FER1L6: variants seen among roughly 807,000 people sequenced by gnomAD.
The protein encoded by FER1L6 is fer-1-like protein 6.
FER1L6 carries 177 observed loss-of-function variants against 219.2 expected under a neutral mutation model. The observed-to-expected ratio is 0.81, with a 90% CI of 0.71 to 0.91. FER1L6 has a LOEUF of 0.91. Among genes scored for constraint, FER1L6 ranks in the 40% least tolerant of loss-of-function variants. The pLI is 0.00. For missense variants in FER1L6, 2,153 were observed against 2,259.9 expected, an observed-to-expected ratio of 0.95 and a Z score of 0.96; for synonymous variants, 768 against 824.3, an observed-to-expected ratio of 0.93 and a Z score of 1.17.
At chr8:123,923,426 T>C (rs954023352) in intron 1 of FER1L6, among the ~76,000 whole-genome samples, 1 of 152,216 alleles carries the variant, frequency 6.6e-6, no homozygotes, top group African/African-American at 2.4e-5. Flanking sequence ...CAAAAACAGT[T>C]GACTCTAAGC....
chr8:123,967,336 T>C (rs1815594317), intron 5 of FER1L6, among the ~76,000 whole-genome samples: 1 of 152,166 alleles, frequency 6.6e-6, no homozygotes, highest in Admixed American at 6.5e-5. Flanking sequence ...CACAAAACAA[T>C]GTATCTTGAA....
rs1819916338 is a variant in FER1L6 at position 124,049,751 on chromosome 8, C to T, written c.2869C>T (p.Leu957=). The T allele has an allele frequency of 3.1e-6, 5 of 1,613,812 alleles. No individual in the cohort carries two copies. Among genetic ancestry groups the T allele is most frequent in the Non-Finnish European group, 4.2e-6 (5 of 1,179,930 alleles). Residue 957 remains leucine (L), a synonymous_variant, in exon 22 of 41, where the codon CTG becomes TTG. Coordinates refer to ENST00000522917, the MANE Select transcript of FER1L6 (RefSeq NM_001039112.2). ...GGATCTCCTTGCTGTATTTGAACTG[C>T]TGCAGGTGAGTGAACCAGATGTGGC... is the stretch of plus-strand genomic sequence containing the variant. ...GGDLLAVFEL[L]QVPPSGLQGL...
intron 1 of FER1L6, among the ~76,000 whole-genome samples, chr8:123,933,937 A>T (rs550568500): frequency 8.3e-4 from 126 of 152,258 alleles, no homozygotes; most frequent in Non-Finnish European, 1.3e-3. Flanking sequence ...TTAACATTTC[A>T]CCATCTGTTT....
At chr8:124,091,356 T>A (rs1822019617) in intron 33 of FER1L6, 67 bp from the exon 34 acceptor site, 19 of 1,313,500 alleles carry the variant, frequency 1.4e-5, no homozygotes, top group Non-Finnish European at 2.0e-5. Context: ...TGAAAGAAAC[T>A]GCACAGATCA....
At chr8:123,930,500 C>G (rs1813727309) in intron 1 of FER1L6, among the ~76,000 whole-genome samples, 1 of 152,126 alleles carries the variant, frequency 6.6e-6, no homozygotes, top group Non-Finnish European at 1.5e-5. Flanking sequence ...TTCCTTTGAG[C>G]TGGGCCTTAG....
intron 1 of FER1L6, among the ~76,000 whole-genome samples, chr8:123,933,662 G>T (rs1813870938): frequency 6.6e-6 from 1 of 152,178 alleles, no homozygotes; most frequent in Non-Finnish European, 1.5e-5. Flanking sequence ...ATGAGGAAAA[G>T]TATATGAAAC....
At chr8:124,009,782 T>TCC (rs1244731801) in intron 13 of FER1L6, among the ~76,000 whole-genome samples, 1 of 152,038 alleles carries the variant, frequency 6.6e-6, no homozygotes, top group Non-Finnish European at 1.5e-5. Context: ...TTGTTGTAGT[T>TCC]CCAGGGTCAG....
intron 2 of FER1L6, 132 bp from the exon 3 acceptor site, chr8:123,963,146 T>G: frequency 8.4e-7 from 1 of 1,195,794 alleles, no homozygotes; most frequent in East Asian, 2.4e-5. Flanking sequence ...TTAAGTTTTA[T>G]GCTGGCAGAG....
chr8:124,103,350 T>G (rs748650721), intron 39 of FER1L6, 41 bp downstream of exon 39: 1 of 1,588,160 alleles, frequency 6.3e-7, no homozygotes, highest in East Asian at 2.2e-5. Flanking sequence ...TGGGGGAAGT[T>G]GGGGGCATCA....
chr8:123,880,977 C>T (rs1817098773), intron 1 of FER1L6, among the ~76,000 whole-genome samples: 1 of 152,172 alleles, frequency 6.6e-6, no homozygotes, highest in Non-Finnish European at 1.5e-5. Context: ...ACGTCACCTG[C>T]AGCTTAACCC....
chr8:124,106,329 A>C (rs1045225303), intron 39 of FER1L6, among the ~76,000 whole-genome samples: 1 of 5,126 alleles, frequency 2.0e-4, no homozygotes, highest in African/African-American at 1.2e-3. Flanking sequence ...ACTCTGTCTC[A>C]AAAAAAAAAA....
chr8:124,109,218 G>A (rs1822912059), intron 39 of FER1L6, among the ~76,000 whole-genome samples: 2 of 152,206 alleles, frequency 1.3e-5, no homozygotes, highest in South Asian at 4.1e-4. Flanking sequence ...GGAGAAGGCG[G>A]TGTCTGATTT....
chr8:124,015,680 C>T (rs1219507660), intron 15 of FER1L6, among the ~76,000 whole-genome samples: 1 of 143,766 alleles, frequency 7.0e-6, no homozygotes, highest in African/African-American at 2.6e-5. Flanking sequence ...AAAAGCTTCA[C>T]AATCCACACT....
rs564808645 is a variant in FER1L6, at chr8:123,859,596, A to AATGTAC, written c.-8+7415_-8+7416insACATGT. 3.2e-3 allele frequency among the ~76,000 whole-genome samples: 464 copies of AATGTAC among 146,400 alleles called. 4 individuals carry two copies. Among genetic ancestry groups the AATGTAC allele is most frequent in the African/African-American group, 0.011 (443 of 39,230 alleles). ...TTTAAGTTTTAGGGTACATGTGCAC[A>AATGTAC]ATGTGCAGGTTAGTTACATATGTAT... On this transcript the variant is annotated intron_variant, in intron 1 of 40. Transcript: ENST00000522917.
At chr8:124,107,097 C>T (rs1001927462) in intron 39 of FER1L6, among the ~76,000 whole-genome samples, 19 of 151,724 alleles carry the variant, frequency 1.3e-4, no homozygotes, top group African/African-American at 2.9e-4. Context: ...TACAGGCGCC[C>T]GCCACCAAGC....
intron 13 of FER1L6, 119 bp downstream of exon 13, chr8:124,003,466 T>TTC: frequency 1.4e-6 from 1 of 724,822 alleles, no homozygotes; most frequent in Non-Finnish European, 2.1e-6. Context: ...TTTTTTTTTT[T>TTC]TTTTTTTTTT....
intron 13 of FER1L6, chr8:124,004,125 A>AAG (rs1817552916): frequency 2.0e-5 from 3 of 151,772 alleles, no homozygotes; most frequent in Admixed American, 1.3e-4. Context: ...CAAAAAAAAA[A>AAG]AAAAAAAAAA....
At chr8:123,914,727 G>T (rs1014118038) in intron 1 of FER1L6, among the ~76,000 whole-genome samples, 1 of 152,142 alleles carries the variant, frequency 6.6e-6, no homozygotes, top group Non-Finnish European at 1.5e-5. Flanking sequence ...AAAGCTTATG[G>T]GTGTGGCCAG....
At chr8:124,084,712 T>C (rs1821714303) in intron 33 of FER1L6, among the ~76,000 whole-genome samples, 1 of 152,194 alleles carries the variant, frequency 6.6e-6, no homozygotes, top group Non-Finnish European at 1.5e-5. Flanking sequence ...TCAGTGTTCA[T>C]CAGGGATATT....
Sources: gnomAD v4.1 joint callset for allele counts (sites outside exome capture counted in the v4.1 genomes callset) on GRCh38, gnomAD v4.1.1 for gene constraint, MANE v1.5 for transcripts, NCBI Gene and HGNC (gene_info 2026-07-23, HGNC 2026-07-21) for gene names.